The following CYP2B6 variants were observed in gnomAD, a reference collection of about 807,000 sequenced individuals.
CYP2B6 encodes the protein cytochrome P450 family 2 subfamily B member 6, also known as cytochrome P450 2B6.
A neutral mutation model predicts 43.4 loss-of-function variants in CYP2B6; 35 were observed. The observed-to-expected ratio is 0.81, with a 90% CI of 0.62 to 1.07. The LOEUF (loss-of-function observed/expected upper bound fraction) is 1.07. Among genes scored for constraint, CYP2B6 ranks in the 50% least tolerant of loss-of-function variants. CYP2B6 has a pLI of 0.00. For missense variants in CYP2B6, 624 were observed against 632.8 expected, an observed-to-expected ratio of 0.99 and a Z score of 0.15; for synonymous variants, 239 against 239.2, an observed-to-expected ratio of 1.00 and a Z score of 0.01.
At chr19:41,011,851 C>G (rs1969289777) in intron 6 of CYP2B6, among the ~76,000 whole-genome samples, 1 of 152,146 alleles carries the variant, frequency 6.6e-6, no homozygotes, top group Non-Finnish European at 1.5e-5. Context: ...TCACCCCATG[C>G]TGATTACTTT....
intron 1 of CYP2B6, among the ~76,000 whole-genome samples, chr19:41,002,468 A>T (rs1327387757): frequency 1.3e-5 from 2 of 152,028 alleles, no homozygotes; most frequent in African/African-American, 2.4e-5. Flanking sequence ...GAAACCCTGC[A>T]CCCTGTTCTT....
chr19:40,992,493 C>A (rs1192190570), intron 1 of CYP2B6, among the ~76,000 whole-genome samples: 1 of 151,968 alleles, frequency 6.6e-6, no homozygotes, highest in Non-Finnish European at 1.5e-5. Context: ...ACTGGATGTA[C>A]AAAGAATGGC....
intron 1 of CYP2B6, among the ~76,000 whole-genome samples, chr19:41,002,008 TAC>T (rs1472496058): frequency 1.3e-3 from 205 of 152,006 alleles, no homozygotes; most frequent in African/African-American, 4.8e-3. Context: ...CAGGGGTGGC[TAC>T]AAGAATCCTG....
rs185107217 is a variant in CYP2B6 at position 41,018,028 on chromosome 19, T to C, written c.*1201T>C. The stretch of plus-strand genomic sequence containing the variant: ...CTACCATGCCTGGCTAATTTTCTTG[T>C]AGTTTTAGTAGGGACATGTTGGCCA... On this transcript the variant is annotated 3_prime_UTR_variant, in exon 9 of 9. Coordinates refer to ENST00000324071, the MANE Select transcript of CYP2B6 (RefSeq NM_000767.5). The C allele has an allele frequency of 3.9e-5, 6 of 152,196 alleles. No homozygotes were observed. In the East Asian group the frequency reaches 9.7e-4, roughly 25 times the overall value. 9.4% of individuals were successfully genotyped at this position (152,196 alleles called of 1,614,324 possible).
rs867866134 is a variant in CYP2B6, at chr19:41,012,213, T to C, written c.965-85T>C. ...AATCCACCCACCTCAACCTCCAAAA[T>C]TGCTGGGATTACAGGCATGAGCCAC... On this transcript the variant is annotated intron_variant, in intron 6 of 8. Transcript: ENST00000324071. The C allele has an allele frequency of 4.4e-5, 58 of 1,330,088 alleles. No individual in the cohort carries two copies. In the Middle Eastern group the frequency reaches 2.8e-3, roughly 65 times the overall value. 82.4% of individuals were successfully genotyped at this position (1,330,088 alleles called of 1,614,324 possible).
At chr19:41,016,399 CAAAAAAAAAAAAAAAAAAAAAA>C (rs869180190) in intron 8 of CYP2B6, among the ~76,000 whole-genome samples, 6 of 76,850 alleles carry the variant, frequency 7.8e-5, no homozygotes, top group Admixed American at 1.4e-4. Context: ...GACTCCATCT[CAAAAAAAAAAAAAAAAAAAAAA>C]AAAAAAAAAA....
At chr19:40,999,253 C>T (rs900967931) in intron 1 of CYP2B6, among the ~76,000 whole-genome samples, 2 of 152,108 alleles carry the variant, frequency 1.3e-5, no homozygotes, top group Non-Finnish European at 2.9e-5. Context: ...ATGTCTTTCG[C>T]CCACTTTTTG....
chr19:41,013,332 T>G (rs1969313163), intron 8 of CYP2B6, among the ~76,000 whole-genome samples: 1 of 152,200 alleles, frequency 6.6e-6, no homozygotes, highest in South Asian at 2.1e-4. Flanking sequence ...GACATAATTG[T>G]GATAAGTGCT....
At chr19:41,010,490 T>G (rs1358056392) in intron 6 of CYP2B6, among the ~76,000 whole-genome samples, 1 of 151,640 alleles carries the variant, frequency 6.6e-6, no homozygotes, top group African/African-American at 2.4e-5. Flanking sequence ...CTTGGCTTAC[T>G]GCAAGCTTCA....
intron 8 of CYP2B6, among the ~76,000 whole-genome samples, 165 bp from the exon 9 acceptor site, chr19:41,016,481 C>A (rs1969368930): frequency 1.4e-5 from 2 of 143,390 alleles, no homozygotes; most frequent in Non-Finnish European, 1.5e-5. Flanking sequence ...AGATTTGCAT[C>A]TGGTTTCAGA....
At chr19:41,006,369 G>A (rs982747389) in intron 3 of CYP2B6, among the ~76,000 whole-genome samples, 32 of 113,916 alleles carry the variant, frequency 2.8e-4, no homozygotes, top group Non-Finnish European at 4.2e-4. Context: ...TCCTTATGTT[G>A]CCCAGGCTGG....
In CYP2B6 at chr19:41,012,664, C is replaced by G. The variant is rs1969303887; in HGVS notation, c.1153-10C>G. On this transcript the variant is annotated splice_polypyrimidine_tract_variant and intron_variant, in intron 7 of 8. Coordinates refer to ENST00000324071, the MANE Select transcript of CYP2B6 (RefSeq NM_000767.5). ...TGGCAATATCTTTTGATCTTGTGAT[C>G]CTCCCTCAGGACACAGAAGTATTTC... 1 of 1,613,602 alleles carries G rather than the reference C, an allele frequency of 6.2e-7. No homozygotes were observed. The highest frequency in any genetic ancestry group is 2.2e-5 in the East Asian group (1 of 44,880).
intron 6 of CYP2B6, among the ~76,000 whole-genome samples, chr19:41,010,650 T>G (rs1220308639): frequency 6.6e-6 from 1 of 152,110 alleles, no homozygotes; most frequent in Non-Finnish European, 1.5e-5. Context: ...CCTGACCTCA[T>G]GATGTACAAA....
chr19:41,010,065 T>C lies in CYP2B6; in HGVS notation c.894T>C (p.Ala298=), dbSNP rs1969256759. Residue 298 remains alanine, a synonymous_variant, in exon 6 of 9, where the codon GCT becomes GCC. Coordinates refer to ENST00000324071, the MANE Select transcript of CYP2B6 (RefSeq NM_000767.5). ...LNLNTLSLFF[A]GTETTSTTLR... ...TCAACACGCTCTCGCTCTTCTTTGC[T>C]GGCACTGAGACCACCAGCACCACTC... 1.2e-6 allele frequency: 2 copies of C among 1,614,122 alleles called. No homozygotes were observed. Among genetic ancestry groups the C allele is most frequent in the East Asian group, 2.2e-5 (1 of 44,874 alleles).
In CYP2B6 at chr19:41,012,470, G is replaced by T. The variant is rs1455781935; in HGVS notation, c.1137G>T (p.Gly379=). 6.2e-7 allele frequency: 1 copy of T among 1,614,018 alleles called. No individual in the cohort carries two copies. Residue 379 remains glycine, a synonymous_variant, in exon 7 of 9, where the codon GGG becomes GGT. Coordinates refer to ENST00000324071, the MANE Select transcript of CYP2B6 (RefSeq NM_000767.5). ...TCACCCAACACACCAGCTTCCGAGG[G>T]TACATCATCCCCAAGGTAAGACCGG... The part of the protein sequence containing the change: ...HIVTQHTSFR[G]YIIPKDTEVF...
chr19:41,013,216 A>G (rs866862514), intron 8 of CYP2B6, among the ~76,000 whole-genome samples: 6 of 152,306 alleles, frequency 3.9e-5, no homozygotes, highest in Middle Eastern at 3.4e-3. Context: ...GCATTCATCA[A>G]ATAATAATAA....
chr19:41,016,206 G>C (rs1386884093), intron 8 of CYP2B6, among the ~76,000 whole-genome samples: 196 of 152,086 alleles, frequency 1.3e-3, no homozygotes, highest in African/African-American at 4.6e-3. Context: ...GGCTAGCCTG[G>C]CCAATATGAT....
chr19:41,003,352 C>G (rs1235576526), intron 1 of CYP2B6, among the ~76,000 whole-genome samples: 1 of 151,988 alleles, frequency 6.6e-6, no homozygotes, highest in Non-Finnish European at 1.5e-5. Flanking sequence ...ACATGGTGGA[C>G]AAAGGATGAT....
intron 8 of CYP2B6, among the ~76,000 whole-genome samples, chr19:41,014,078 G>C (rs1184690448): frequency 6.6e-6 from 1 of 152,136 alleles, no homozygotes; most frequent in Non-Finnish European, 1.5e-5. Flanking sequence ...GGCTGCTTTA[G>C]GCCAAATTTA....
Sources: gnomAD v4.1 joint callset for allele counts (sites outside exome capture counted in the v4.1 genomes callset) on GRCh38, gnomAD v4.1.1 for gene constraint, MANE v1.5 for transcripts, NCBI Gene and HGNC (gene_info 2026-07-23, HGNC 2026-07-21) for gene names.